NRXN3: variants seen among roughly 807,000 people sequenced by gnomAD.
NRXN3 encodes the protein neurexin III.
NRXN3 carries 32 observed loss-of-function variants against 137.6 expected under a neutral mutation model. That is an observed-to-expected ratio of 0.23 (90% CI 0.18 to 0.31). The LOEUF is 0.31. NRXN3 is among the 10% of genes least tolerant of loss of function. The pLI is 1.00. For synonymous variants in NRXN3, 798 were observed against 784.5 expected (o/e 1.02, Z -0.29); for missense variants, 1,574 against 2,062.5 (o/e 0.76, Z 4.59).
At chr14:78,882,750 G>A (rs1296831607) in intron 10 of NRXN3, among the ~76,000 whole-genome samples, 1 of 151,660 alleles carries the variant, frequency 6.6e-6, no homozygotes, top group East Asian at 1.9e-4. Flanking sequence ...GCTGGAATAA[G>A]TTAAGAATTT....
chr14:79,488,992 G>A (rs765068262), intron 16 of NRXN3, among the ~76,000 whole-genome samples: 1 of 151,948 alleles, frequency 6.6e-6, no homozygotes, highest in Non-Finnish European at 1.5e-5. Flanking sequence ...CAGTACTTTA[G>A]GGTTATAATC....
chr14:78,450,262 T>C (rs1407274738), intron 4 of NRXN3, among the ~76,000 whole-genome samples: 2 of 152,256 alleles, frequency 1.3e-5, no homozygotes, highest in African/African-American at 4.8e-5. Context: ...GTTTCTATGT[T>C]TTCAAAATTT....
chr14:79,268,649 T>C (rs2078815357), intron 15 of NRXN3, among the ~76,000 whole-genome samples: 1 of 152,166 alleles, frequency 6.6e-6, no homozygotes, highest in Non-Finnish European at 1.5e-5. Flanking sequence ...CACACATAAA[T>C]TGCATAGGAT....
intron 16 of NRXN3, among the ~76,000 whole-genome samples, chr14:79,571,419 A>G (rs566623723): frequency 1.5e-3 from 225 of 152,304 alleles, no homozygotes; most frequent in African/African-American, 5.3e-3. Flanking sequence ...AAGACAAGGT[A>G]AAGAAAATAA....
intron 20 of NRXN3, among the ~76,000 whole-genome samples, chr14:79,827,119 A>T (rs954468463): frequency 3.3e-5 from 5 of 152,308 alleles, no homozygotes; most frequent in Admixed American, 2.0e-4. Context: ...TTGTGGGCCT[A>T]GTGGGGGACA....
chr14:79,192,765 A>ATTCTTTT (rs1413090484), intron 15 of NRXN3, among the ~76,000 whole-genome samples: 7 of 115,300 alleles, frequency 6.1e-5, no homozygotes, highest in East Asian at 2.7e-4. Flanking sequence ...AATTCTCTTA[A>ATTCTTTT]TTTTTTTTTT....
intron 16 of NRXN3, among the ~76,000 whole-genome samples, chr14:79,534,476 C>G (rs12588083): frequency 0.56 from 85,011 of 151,952 alleles, 27,042 homozygotes; most frequent in Non-Finnish European, 0.71. Context: ...AACGAATGTT[C>G]GAACATAGCC....
intron 4 of NRXN3, among the ~76,000 whole-genome samples, chr14:78,417,967 G>T (rs557977019): frequency 6.6e-5 from 10 of 152,256 alleles, no homozygotes; most frequent in Admixed American, 3.9e-4. Flanking sequence ...ACATTGGCCA[G>T]GCTGGTCTCA....
chr14:78,471,687 A>G (rs2095275742), intron 4 of NRXN3, among the ~76,000 whole-genome samples: 1 of 152,204 alleles, frequency 6.6e-6, no homozygotes, highest in African/African-American at 2.4e-5. Context: ...TGATATAGGT[A>G]ATGGTAATAT....
At chr14:79,325,247 CTGATGGGAAAGATAATGAGAAG>C in intron 15 of NRXN3, among the ~76,000 whole-genome samples, 1 of 152,030 alleles carries the variant, frequency 6.6e-6, no homozygotes, top group African/African-American at 2.4e-5. Context: ...CCCTGGAGTT[CTGATGGGAAAGATAATGAGAAG>C]TGTTTACTTA....
chr14:79,520,348 A>G (rs2097051266), intron 16 of NRXN3, among the ~76,000 whole-genome samples: 1 of 152,104 alleles, frequency 6.6e-6, no homozygotes, highest in African/African-American at 2.4e-5. Flanking sequence ...CAGAACATAC[A>G]GGTTTGTTAC....
chr14:78,272,769 C>A (rs2072989849), intron 2 of NRXN3, among the ~76,000 whole-genome samples: 1 of 152,158 alleles, frequency 6.6e-6, no homozygotes, highest in African/African-American at 2.4e-5. Context: ...GAGGTATAAT[C>A]ATAGTGCAAC....
intron 15 of NRXN3, among the ~76,000 whole-genome samples, chr14:79,217,294 C>T (rs1597386885): frequency 1.3e-5 from 2 of 152,274 alleles, no homozygotes; most frequent in South Asian, 4.1e-4. Context: ...CAGCACATCA[C>T]ATGACGAGAG....
At chr14:79,710,397 G>GTC (rs2098799113) in intron 19 of NRXN3, among the ~76,000 whole-genome samples, 1 of 152,174 alleles carries the variant, frequency 6.6e-6, no homozygotes, top group South Asian at 2.1e-4. Context: ...AAACCACAGT[G>GTC]TCTGATTCTC....
chr14:79,173,265 C>G (rs1254528172), intron 15 of NRXN3, among the ~76,000 whole-genome samples: 1 of 151,964 alleles, frequency 6.6e-6, no homozygotes, highest in African/African-American at 2.4e-5. Context: ...CACGGTGGCT[C>G]AATCCTGTAA....
At chr14:78,403,503 A>G (rs879757773) in intron 4 of NRXN3, among the ~76,000 whole-genome samples, 14 of 152,270 alleles carry the variant, frequency 9.2e-5, no homozygotes, top group African/African-American at 1.4e-4. Context: ...TGCAGATTCA[A>G]ATAAATCCCC....
chr14:78,385,978 C>A (rs1029383360), intron 4 of NRXN3, among the ~76,000 whole-genome samples: 6 of 152,014 alleles, frequency 3.9e-5, no homozygotes, highest in Middle Eastern at 3.2e-3. Flanking sequence ...GAAGAAAAGT[C>A]CTCTGATTTT....
At chr14:78,408,235 T>A (rs2092615568) in intron 4 of NRXN3, among the ~76,000 whole-genome samples, 2 of 152,172 alleles carry the variant, frequency 1.3e-5, no homozygotes, top group African/African-American at 4.8e-5. Context: ...CATTTTACCA[T>A]CCTCATTTTG....
intron 2 of NRXN3, among the ~76,000 whole-genome samples, chr14:78,271,035 A>G (rs772867935): frequency 6.6e-6 from 1 of 152,214 alleles, no homozygotes; most frequent in Non-Finnish European, 1.5e-5. Flanking sequence ...TGATGTTTCA[A>G]CTTTGTGTCC....
Sources: gnomAD v4.1 joint callset for allele counts (sites outside exome capture counted in the v4.1 genomes callset) on GRCh38, gnomAD v4.1.1 for gene constraint, MANE v1.5 for transcripts, NCBI Gene and HGNC (gene_info 2026-07-23, HGNC 2026-07-21) for gene names.